The following PSMA8 variants were observed in gnomAD, a reference collection of about 807,000 sequenced individuals.
PSMA8 encodes the protein proteasome subunit alpha-type 8.
A neutral mutation model predicts 32.4 loss-of-function variants in PSMA8; 18 were observed. The observed-to-expected ratio is 0.56, with a 90% confidence interval of 0.38 to 0.82. PSMA8 has a LOEUF of 0.82. Among genes scored for constraint, PSMA8 ranks in the 40% least tolerant of loss-of-function variants. PSMA8 has a pLI of 0.00. For synonymous variants in PSMA8, 104 were observed against 98.1 expected (o/e 1.06, Z -0.36); for missense variants, 298 against 300.7 (o/e 0.99, Z 0.07).
At chr18:26,140,183 G>A (rs924538911) in intron 1 of PSMA8, 2 of 690,298 alleles carry the variant, frequency 2.9e-6, no homozygotes, top group African/African-American at 3.5e-5. Context: ...TTTGGGGTGG[G>A]CCTGCCACTA....
rs767124721 is a variant in PSMA8, at chr18:26,192,381, A to G, written c.723A>G (p.Ala241=). 6.5e-7 allele frequency: 1 copy of G among 1,534,102 alleles called. No individual in the cohort carries two copies. The highest frequency in any genetic ancestry group is 1.3e-5 in the South Asian group (1 of 75,108). The part of the protein sequence containing the change: ...VTEIEKEKEE[A]EKKKSKKSV Reference sequence around the variant, plus strand: ...AAATAGAAAAGGAAAAGGAAGAAGCAGAGAAGAAAAAATCAAAGAAATCTG... The same window carrying G: ...AAATAGAAAAGGAAAAGGAAGAAGCGGAGAAGAAAAAATCAAAGAAATCTG... Residue 241 remains alanine, a synonymous_variant, in exon 7 of 7, where the codon GCA becomes GCG. Transcript: ENST00000415576.
At chr18:26,150,801 A>G (rs978706008) in intron 2 of PSMA8, among the ~76,000 whole-genome samples, 4 of 152,120 alleles carry the variant, frequency 2.6e-5, no homozygotes, top group African/African-American at 9.7e-5. Context: ...CTTGGATGAT[A>G]TTTACATTGT....
At chr18:26,149,627 C>T (rs1366491806) in intron 2 of PSMA8, among the ~76,000 whole-genome samples, 1 of 152,034 alleles carries the variant, frequency 6.6e-6, no homozygotes, top group Non-Finnish European at 1.5e-5. Context: ...TAAATCCTTG[C>T]ATGTATGATA....
Position 26,171,156 on chromosome 18 carries a change from A to G in PSMA8, c.478-7674A>G, listed in dbSNP as rs1568065687. On this transcript the variant is annotated intron_variant, in intron 4 of 6. Transcript: ENST00000415576. ...AATCACCAGATTCTGTTTACCTTCT[A>G]CTGAAGAGGTTGTGGTCATTCTCTG... 4.5e-6 allele frequency: 7 copies of G among 1,558,950 alleles called. 1 individual carries two copies. The South Asian group carries it at 7.8e-5, about 17-fold the overall frequency.
At chr18:26,141,909 C>T (rs1019135584) in intron 1 of PSMA8, among the ~76,000 whole-genome samples, 1 of 151,770 alleles carries the variant, frequency 6.6e-6, no homozygotes, top group Admixed American at 6.6e-5. Flanking sequence ...TAGTCTGAAA[C>T]TCTTGGAATC....
intron 3 of PSMA8, among the ~76,000 whole-genome samples, chr18:26,154,829 A>G (rs1333610944): frequency 6.6e-6 from 1 of 151,858 alleles, no homozygotes; most frequent in Non-Finnish European, 1.5e-5. Flanking sequence ...GTTGGCCAGG[A>G]TGGTCTCGAT....
chr18:26,166,634 ATTGT>A (rs1056794921), intron 4 of PSMA8, among the ~76,000 whole-genome samples: 1 of 152,184 alleles, frequency 6.6e-6, no homozygotes, highest in African/African-American at 2.4e-5. Flanking sequence ...CAGTTTTGTG[ATTGT>A]TTGAATTGCA....
chr18:26,166,634 A>T (rs1389939906), intron 4 of PSMA8, among the ~76,000 whole-genome samples: 1 of 152,184 alleles, frequency 6.6e-6, no homozygotes, highest in Non-Finnish European at 1.5e-5. Flanking sequence ...CAGTTTTGTG[A>T]TTGTTTGAAT....
intron 4 of PSMA8, among the ~76,000 whole-genome samples, chr18:26,165,416 G>A (rs994869747): frequency 6.6e-6 from 1 of 152,112 alleles, no homozygotes; most frequent in African/African-American, 2.4e-5. Flanking sequence ...GTTGTTCGTT[G>A]TACTTTACAC....
At position 26,192,684 on chromosome 18, in the gene PSMA8, CT is replaced by C. The variant is rs1358742034; in HGVS notation, c.*275del. On this transcript the variant is annotated 3_prime_UTR_variant, in exon 7 of 7. Coordinates refer to ENST00000415576, the MANE Select transcript of PSMA8 (RefSeq NM_001025096.2). The stretch of plus-strand genomic sequence containing the variant: ...TGAGACTCTATAATTTGTCCAGTGT[CT>C]TACTTACCTTCATATATGCAAATAT... 3 of 197,828 alleles carry C rather than the reference CT, an allele frequency of 1.5e-5. No individual in the cohort carries two copies. The highest frequency in any genetic ancestry group is 3.0e-5 in the Non-Finnish European group (3 of 99,708). 12.3% of individuals were successfully genotyped at this position (197,828 alleles called of 1,614,324 possible).
intron 4 of PSMA8, among the ~76,000 whole-genome samples, chr18:26,172,017 G>A (rs887330821): frequency 5.3e-5 from 8 of 152,282 alleles, no homozygotes; most frequent in African/African-American, 1.7e-4. Flanking sequence ...TCACAGCTAA[G>A]GAACACCAAG....
chr18:26,170,038 T>TC (rs1244317033), intron 4 of PSMA8, among the ~76,000 whole-genome samples: 1 of 96,904 alleles, frequency 1.0e-5, no homozygotes, highest in Admixed American at 1.1e-4. Context: ...ACTCCAGCTT[T>TC]CCCCCCTCCA....
intron 4 of PSMA8, 93 bp from the exon 5 acceptor site, chr18:26,178,737 C>T: frequency 1.8e-6 from 2 of 1,096,770 alleles, no homozygotes; most frequent in Non-Finnish European, 2.6e-6. Flanking sequence ...TTAAGGTATA[C>T]TGGAGTAAAC....
chr18:26,134,358 T>G (rs967586807), intron 1 of PSMA8, among the ~76,000 whole-genome samples: 6 of 133,852 alleles, frequency 4.5e-5, no homozygotes, highest in African/African-American at 1.9e-4. Flanking sequence ...TGTGTGTGTG[T>G]GTGTGTCTCT....
At chr18:26,182,818 C>T (rs182947701) in intron 6 of PSMA8, among the ~76,000 whole-genome samples, 3 of 152,194 alleles carry the variant, frequency 2.0e-5, no homozygotes, top group East Asian at 1.9e-4. Flanking sequence ...TGGCTGGGCA[C>T]GGTAGCTCAT....
intron 2 of PSMA8, 158 bp from the exon 3 acceptor site, chr18:26,151,700 A>G (rs1024212885): frequency 1.8e-6 from 1 of 557,218 alleles, no homozygotes; most frequent in African/African-American, 1.9e-5. Flanking sequence ...AATGTAGGAC[A>G]AATGACACTT....
At chr18:26,153,883 C>A (rs1326785733) in intron 3 of PSMA8, among the ~76,000 whole-genome samples, 2 of 151,748 alleles carry the variant, frequency 1.3e-5, no homozygotes, top group Non-Finnish European at 2.9e-5. Flanking sequence ...TGAGTTTTAC[C>A]ATTTGTTTTA....
intron 6 of PSMA8, 102 bp from the exon 7 acceptor site, chr18:26,192,217 C>A: frequency 9.9e-7 from 1 of 1,011,320 alleles, no homozygotes; most frequent in Non-Finnish European, 1.3e-6. Context: ...TAAAGTTGTA[C>A]ATAGAAAGTA....
Position 26,188,303 on chromosome 18 carries a change from G to T in PSMA8, c.661-4016G>T, listed in dbSNP as rs531070970. Among the ~76,000 whole-genome samples the T allele has an allele frequency of 3.3e-3, 494 of 147,516 alleles. 1 individual carries two copies. The highest frequency in any genetic ancestry group is 8.4e-3 in the African/African-American group (338 of 40,062). On this transcript the variant is annotated intron_variant, in intron 6 of 6. Transcript: ENST00000415576. ...CAGTGAAAGCATTACAAAGAAGGAG[G>T]TTTATAGCTATAAGTGCCCACATCA...
Sources: gnomAD v4.1 joint callset for allele counts (sites outside exome capture counted in the v4.1 genomes callset) on GRCh38, gnomAD v4.1.1 for gene constraint, MANE v1.5 for transcripts, NCBI Gene and HGNC (gene_info 2026-07-23, HGNC 2026-07-21) for gene names.